TRAF3IP1: variants seen among roughly 807,000 people sequenced by gnomAD.
The protein encoded by TRAF3IP1 is TRAF3-interacting protein 1.
A neutral mutation model predicts 89.9 loss-of-function variants in TRAF3IP1; 53 were observed. The observed-to-expected ratio is 0.59, with a 90% CI of 0.47 to 0.74. The LOEUF is 0.74. TRAF3IP1 is among the 30% of genes least tolerant of loss of function. The probability of loss-of-function intolerance (pLI) is 0.00; values close to 1 mark genes in which losing one functional copy is unlikely to be tolerated. For missense variants in TRAF3IP1, 806 were observed against 866.1 expected (o/e 0.93, Z 0.87); for synonymous variants, 311 against 322.1 (o/e 0.97, Z 0.37).
intron 14 of TRAF3IP1, among the ~76,000 whole-genome samples, chr2:238,354,621 ATTTT>A (rs1699323699): frequency 6.6e-6 from 1 of 151,738 alleles, no homozygotes; most frequent in Admixed American, 6.6e-5. Context: ...ACGCTGAAGG[ATTTT>A]ATTTTATTTT....
chr2:238,328,075 G>A lies in TRAF3IP1; in HGVS notation c.355-611G>A, dbSNP rs139799415. Among the ~76,000 whole-genome samples the A allele has an allele frequency of 1.1e-4, 16 of 152,162 alleles. No individual in the cohort carries two copies. In the East Asian group the frequency reaches 1.2e-3, roughly 11 times the overall value. On this transcript the variant is annotated intron_variant, in intron 3 of 16. Transcript: ENST00000373327. ...TATACAAATATCTCTTCAAGACCCC[G>A]TTTTCTATTTTTTTGGATAAATACC...
rs141030066 is a variant in TRAF3IP1 at position 238,356,598 on chromosome 2, G to A, written c.1689+518G>A. On this transcript the variant is annotated intron_variant, in intron 15 of 16. Transcript: ENST00000373327. ...CTTCCCTGGCCTGGTATCCAGCCCCGTCTTGGGAGGGGGCAGCGGCTTACT... is the reference window on the plus strand; with the variant it reads ...CTTCCCTGGCCTGGTATCCAGCCCCATCTTGGGAGGGGGCAGCGGCTTACT... Among the ~76,000 whole-genome samples the A allele has an allele frequency of 4.1e-3, 630 of 152,182 alleles. 1 individual carries two copies. The highest frequency in any genetic ancestry group is 0.014 in the African/African-American group (587 of 41,530).
At chr2:238,332,787 A>G (rs767486723) in intron 5 of TRAF3IP1, 37 bp from the exon 6 acceptor site, 4 of 1,467,242 alleles carry the variant, frequency 2.7e-6, no homozygotes, top group Non-Finnish European at 3.8e-6. Flanking sequence ...ATGGATTGGA[A>G]TAATTCTAAA....
chr2:238,342,157 T>A (rs539439195), intron 8 of TRAF3IP1, among the ~76,000 whole-genome samples: 1 of 148,656 alleles, frequency 6.7e-6, no homozygotes, highest in Admixed American at 6.6e-5. Flanking sequence ...TTCAGCTAAT[T>A]TTTGTGTTTT....
chr2:238,395,313 G>A (rs1701162773), intron 15 of TRAF3IP1, among the ~76,000 whole-genome samples: 1 of 152,160 alleles, frequency 6.6e-6, no homozygotes, highest in South Asian at 2.1e-4. Flanking sequence ...ATGGTGCTGG[G>A]AAAACTGGCT....
At chr2:238,341,984 T>A (rs1698682304) in intron 8 of TRAF3IP1, among the ~76,000 whole-genome samples, 1 of 152,172 alleles carries the variant, frequency 6.6e-6, no homozygotes, top group South Asian at 2.1e-4. Flanking sequence ...CATAGTCATT[T>A]TTATTTTATT....
intron 15 of TRAF3IP1, among the ~76,000 whole-genome samples, chr2:238,371,889 T>G (rs367596996): frequency 2.6e-4 from 39 of 152,362 alleles, no homozygotes; most frequent in African/African-American, 8.7e-4. Flanking sequence ...GTATATGGCT[T>G]GCATATTTCT....
rs375541872 is a variant in TRAF3IP1 at position 238,332,804 on chromosome 2, A to T, written c.916-20A>T. The T allele has an allele frequency of 1.5e-5, 18 of 1,221,282 alleles. No individual in the cohort carries two copies. Among genetic ancestry groups the T allele is most frequent in the South Asian group, 2.8e-5 (2 of 70,640 alleles). The allele number at this position is 1,221,282 out of a possible 1,614,324, so 75.7% of individuals were successfully genotyped here. ...GGATTGGAATAATTCTAAAGTTTGA[A>T]TTTTTTTTTTTTTTAATAGTCAGCA... On this transcript the variant is annotated intron_variant, in intron 5 of 16. Coordinates refer to ENST00000373327, the MANE Select transcript of TRAF3IP1 (RefSeq NM_015650.4).
At chr2:238,378,798 C>G (rs565685576) in intron 15 of TRAF3IP1, among the ~76,000 whole-genome samples, 24 of 152,256 alleles carry the variant, frequency 1.6e-4, no homozygotes, top group South Asian at 1.4e-3. Context: ...AGCCGGGACC[C>G]CCCCCCAGGC....
At chr2:238,338,706 T>G (rs577390501) in intron 8 of TRAF3IP1, among the ~76,000 whole-genome samples, 2 of 152,366 alleles carry the variant, frequency 1.3e-5, no homozygotes, top group Non-Finnish European at 2.9e-5. Context: ...TTTTTACATT[T>G]CAGTCAAAAT....
intron 15 of TRAF3IP1, among the ~76,000 whole-genome samples, chr2:238,365,221 T>C (rs1699824142): frequency 6.6e-6 from 1 of 152,180 alleles, no homozygotes; most frequent in South Asian, 2.1e-4. Context: ...ATACTATAAC[T>C]CTTTCAGAAA....
rs1559404484 is a variant in TRAF3IP1, at chr2:238,400,839, CA to C, written c.*1921del. ...TATGAAGTAGTCTGTCAAATTGTATCATAAAGTTTATTTTTCTTTTATACGT... is the reference window on the plus strand; with the variant it reads ...TATGAAGTAGTCTGTCAAATTGTATCTAAAGTTTATTTTTCTTTTATACGT... On this transcript the variant is annotated 3_prime_UTR_variant, in exon 17 of 17. Transcript: ENST00000373327. 1 of 152,140 alleles carries C rather than the reference CA, an allele frequency of 6.6e-6. No individual in the cohort carries two copies. Among genetic ancestry groups the C allele is most frequent in the African/African-American group, 2.4e-5 (1 of 41,434 alleles). The allele number at this position is 152,140 out of a possible 1,614,324, so 9.4% of individuals were successfully genotyped here.
At chr2:238,372,978 T>C (rs913051103) in intron 15 of TRAF3IP1, among the ~76,000 whole-genome samples, 1 of 152,296 alleles carries the variant, frequency 6.6e-6, no homozygotes. Flanking sequence ...TTGATGGGGT[T>C]GTTTGTTTTT....
intron 1 of TRAF3IP1, 24 bp downstream of exon 1, chr2:238,320,809 G>A: frequency 7.2e-7 from 1 of 1,386,354 alleles, no homozygotes; most frequent in South Asian, 1.5e-5. Flanking sequence ...ACCGGGCCCG[G>A]CCAGGTGCGG....
chr2:238,328,680 G>T lies in TRAF3IP1; in HGVS notation c.355-6G>T. 1 of 1,611,116 alleles carries T rather than the reference G, an allele frequency of 6.2e-7. No homozygotes were observed. The highest frequency in any genetic ancestry group is 8.5e-7 in the Non-Finnish European group (1 of 1,178,702). ...ACACCTCATTTCCTTCCATTTGGAC[G>T]ACAAGCTCTCTAGTGACGATGCGGT... On this transcript the variant is annotated splice_region_variant and splice_polypyrimidine_tract_variant and intron_variant, in intron 3 of 16. Transcript: ENST00000373327.
chr2:238,349,913 A>G (rs961761893), intron 12 of TRAF3IP1, among the ~76,000 whole-genome samples: 2 of 152,164 alleles, frequency 1.3e-5, no homozygotes, highest in African/African-American at 4.8e-5. Context: ...TCTACTAAAA[A>G]TACAAAAGTT....
At chr2:238,376,561 G>A (rs1201419257) in intron 15 of TRAF3IP1, among the ~76,000 whole-genome samples, 1 of 152,188 alleles carries the variant, frequency 6.6e-6, no homozygotes, top group Non-Finnish European at 1.5e-5. Context: ...TTCAGTTGGA[G>A]TATTTATGAA....
intron 15 of TRAF3IP1, among the ~76,000 whole-genome samples, chr2:238,393,753 T>C (rs1256528130): frequency 3.3e-5 from 5 of 152,236 alleles, no homozygotes; most frequent in Non-Finnish European, 5.9e-5. Context: ...GGTGCAAAGC[T>C]CTCTCTGCCA....
chr2:238,342,189 A>G (rs1013394914), intron 8 of TRAF3IP1, among the ~76,000 whole-genome samples: 2 of 152,082 alleles, frequency 1.3e-5, no homozygotes, highest in Admixed American at 6.5e-5. Flanking sequence ...GGGTTTCACC[A>G]TGTTGGCCAG....
Sources: allele counts gnomAD v4.1 joint callset (sites outside exome capture counted in the v4.1 genomes callset), GRCh38; gene constraint gnomAD v4.1.1; transcripts MANE v1.5; gene names NCBI Gene and HGNC (gene_info 2026-07-23, HGNC 2026-07-21).